Variants in CAMTA1 observed in about 807,000 individuals in gnomAD.
CAMTA1 encodes calmodulin-binding transcription activator 1.
In CAMTA1, 27 loss-of-function variants were observed where a neutral mutation model predicts 170.9. The ratio of observed to expected loss-of-function variants is 0.16; its 90% CI spans 0.12 to 0.22. CAMTA1 has a LOEUF of 0.22. CAMTA1 is among the 10% of genes least tolerant of loss of function. The pLI, the probability that CAMTA1 is intolerant of heterozygous loss-of-function variation, is 1.00. For synonymous variants in CAMTA1, 833 were observed against 891.5 expected (o/e 0.93, Z 1.17); for missense variants, 1,619 against 2,217.2 (o/e 0.73, Z 5.42).
At chr1:6,847,128 C>T (rs780209947) in intron 3 of CAMTA1, among the ~76,000 whole-genome samples, 17 of 151,570 alleles carry the variant, frequency 1.1e-4, no homozygotes, top group African/African-American at 3.9e-4. Flanking sequence ...CTCAGCCTAC[C>T]GAGTAGCTGG....
At chr1:7,540,665 G>C (rs779000455) in intron 6 of CAMTA1, among the ~76,000 whole-genome samples, 3 of 152,200 alleles carry the variant, frequency 2.0e-5, no homozygotes, top group Non-Finnish European at 4.4e-5. Context: ...CAACCTGGAC[G>C]TATGGGCCTA....
intron 3 of CAMTA1, among the ~76,000 whole-genome samples, chr1:6,870,590 T>C (rs1668136794): frequency 6.6e-6 from 1 of 152,244 alleles, no homozygotes. Context: ...GAATTTAGTT[T>C]TAACAAGGTT....
intron 3 of CAMTA1, among the ~76,000 whole-genome samples, chr1:6,910,125 G>C (rs892109054): frequency 1.3e-5 from 2 of 152,254 alleles, no homozygotes; most frequent in African/African-American, 4.8e-5. Flanking sequence ...GCCACTTGCT[G>C]TCCTCTTGGA....
chr1:6,793,174 G>A (rs1427831222), intron 1 of CAMTA1, among the ~76,000 whole-genome samples: 1 of 152,122 alleles, frequency 6.6e-6, no homozygotes, highest in Non-Finnish European at 1.5e-5. Flanking sequence ...TGGTTCTGCT[G>A]TGCAGTTCAG....
At chr1:7,276,289 A>ATTTTTT (rs1393755906) in intron 5 of CAMTA1, among the ~76,000 whole-genome samples, 2 of 53,532 alleles carry the variant, frequency 3.7e-5, no homozygotes, top group Admixed American at 2.3e-4. Flanking sequence ...ATATATATAT[A>ATTTTTT]TATATATATA....
chr1:7,593,261 G>A (rs371166871), intron 6 of CAMTA1, among the ~76,000 whole-genome samples: 28 of 152,296 alleles, frequency 1.8e-4, no homozygotes, highest in African/African-American at 6.3e-4. Flanking sequence ...AAGATTTATT[G>A]GAGAGTGTGT....
chr1:7,694,253 T>C (rs531764177), intron 11 of CAMTA1: 1 of 152,338 alleles, frequency 6.6e-6, no homozygotes, highest in East Asian at 1.9e-4. Flanking sequence ...TGTTAAAGCA[T>C]GGCTCCTACA....
At chr1:7,494,699 G>T (rs1471691477) in intron 6 of CAMTA1, among the ~76,000 whole-genome samples, 1 of 152,070 alleles carries the variant, frequency 6.6e-6, no homozygotes, top group Non-Finnish European at 1.5e-5. Context: ...AGCTACTCAG[G>T]AGGCTGAGGC....
chr1:7,703,223 G>C (rs976659343), intron 11 of CAMTA1, among the ~76,000 whole-genome samples: 1 of 152,132 alleles, frequency 6.6e-6, no homozygotes. Flanking sequence ...GAATGCATAG[G>C]AGTCTCCCTA....
chr1:7,647,196 G>A (rs932198493), intron 7 of CAMTA1, among the ~76,000 whole-genome samples: 1 of 149,212 alleles, frequency 6.7e-6, no homozygotes, highest in Non-Finnish European at 1.5e-5. Flanking sequence ...CCTCGCTGTT[G>A]CCAGTACCCA....
intron 3 of CAMTA1, among the ~76,000 whole-genome samples, chr1:6,856,263 A>G (rs1222633361): frequency 1.3e-5 from 2 of 151,660 alleles, no homozygotes; most frequent in Non-Finnish European, 2.9e-5. Context: ...CAAGATGGCC[A>G]AGATGGAACC....
At chr1:7,358,601 G>A (rs369304996) in intron 5 of CAMTA1, among the ~76,000 whole-genome samples, 3 of 152,148 alleles carry the variant, frequency 2.0e-5, no homozygotes, top group Non-Finnish European at 4.4e-5. Flanking sequence ...GCCCAGACTC[G>A]CCTCGTCAGA....
At position 7,334,669 on chromosome 1, in the gene CAMTA1, G is replaced by A. The variant is rs996408527; in HGVS notation, c.438+85043G>A. Among the ~76,000 whole-genome samples, 10 of 152,174 alleles carry A rather than the reference G, an allele frequency of 6.6e-5. No individual in the cohort carries two copies. In the East Asian group the frequency reaches 1.5e-3, roughly 24 times the overall value. On this transcript the variant is annotated intron_variant, in intron 5 of 22. Transcript: ENST00000303635. ...GATCCCTAATTAAAGCTACAGATAC[G>A]GTTTAAAAATATACTCACCAGATGT... is the stretch of plus-strand genomic sequence containing the variant.
intron 3 of CAMTA1, among the ~76,000 whole-genome samples, chr1:6,916,977 G>T (rs574038587): frequency 6.6e-6 from 1 of 152,170 alleles, no homozygotes; most frequent in African/African-American, 2.4e-5. Context: ...AAAAGCCCAC[G>T]TAGTCTGTGT....
Position 7,768,081 on chromosome 1 carries a change from C to A in CAMTA1, c.*1590C>A, listed in dbSNP as rs1200594634. ...GAATCAGTATGTAGCTTAACACCAT[C>A]CACTCACTCCAACAAAGAACACTTA... is the stretch of plus-strand genomic sequence containing the variant. On this transcript the variant is annotated 3_prime_UTR_variant, in exon 23 of 23. Coordinates refer to ENST00000303635, the MANE Select transcript of CAMTA1 (RefSeq NM_015215.4). 1 of 148,106 alleles carries A rather than the reference C, an allele frequency of 6.8e-6. No homozygotes were observed. Among genetic ancestry groups the A allele is most frequent in the East Asian group, 1.9e-4 (1 of 5,152 alleles). 9.2% of individuals were successfully genotyped at this position (148,106 alleles called of 1,614,324 possible).
intron 4 of CAMTA1, among the ~76,000 whole-genome samples, chr1:7,164,464 C>T (rs554891807): frequency 7.9e-5 from 12 of 152,326 alleles, no homozygotes; most frequent in Admixed American, 4.6e-4. Flanking sequence ...CAGCGTGGCC[C>T]GTGTTTGGGC....
chr1:7,455,978 G>T lies in CAMTA1; in HGVS notation c.439-11852G>T, dbSNP rs2149483433. 1.3e-5 allele frequency among the ~76,000 whole-genome samples: 2 copies of T among 152,282 alleles called. No homozygotes were observed. Among genetic ancestry groups the T allele is most frequent in the East Asian group, 3.9e-4 (2 of 5,172 alleles). On this transcript the variant is annotated intron_variant, in intron 5 of 22. Transcript: ENST00000303635. This position sits in a 1 kb window ranked among gnomAD's most constrained non-coding sequence, Gnocchi z 5.0. ...CCTGAGCCTCCTTACCAAGGCTCAG[G>T]GTCCCACCGTTGGTCATCCCTGAGG... is the stretch of plus-strand genomic sequence containing the variant.
chr1:6,982,283 T>G (rs1268912621), intron 3 of CAMTA1, among the ~76,000 whole-genome samples: 1 of 152,156 alleles, frequency 6.6e-6, no homozygotes, highest in African/African-American at 2.4e-5. Context: ...CCCAGAAGCC[T>G]CCTAGAGCAG....
chr1:7,705,447 C>T (rs2096507082), intron 11 of CAMTA1, among the ~76,000 whole-genome samples: 1 of 150,146 alleles, frequency 6.7e-6, no homozygotes, highest in African/African-American at 2.5e-5. Flanking sequence ...GGATGAGCTT[C>T]TGGAGTGGTG....
Sources: allele counts gnomAD v4.1 joint callset (sites outside exome capture counted in the v4.1 genomes callset), GRCh38; gene constraint gnomAD v4.1.1; non-coding constraint Gnocchi (gnomAD v3.1); transcripts MANE v1.5; gene names NCBI Gene and HGNC (gene_info 2026-07-23, HGNC 2026-07-21).